LYN: variants seen among roughly 807,000 people sequenced by gnomAD.
LYN encodes the protein LYN proto-oncogene, Src family tyrosine kinase, also known as tyrosine-protein kinase Lyn.
LYN carries 12 observed loss-of-function variants against 65.0 expected under a neutral mutation model. The observed-to-expected ratio is 0.18, with a 90% CI of 0.12 to 0.30. The LOEUF (loss-of-function observed/expected upper bound fraction) is 0.30. Among genes scored for constraint, LYN ranks in the 10% least tolerant of loss-of-function variants. LYN has a pLI of 1.00. For synonymous variants in LYN, 222 were observed against 221.2 expected, an observed-to-expected ratio of 1.00 and a Z score of -0.03; for missense variants, 380 against 623.2, an observed-to-expected ratio of 0.61 and a Z score of 4.16.
intron 1 of LYN, among the ~76,000 whole-genome samples, chr8:55,885,962 C>T (rs1310452317): frequency 1.0e-5 from 1 of 99,130 alleles, no homozygotes; most frequent in African/African-American, 3.8e-5. Flanking sequence ...AGGGGTGGGG[C>T]GGGGTGGGAG....
chr8:55,965,208 A>G (rs1807413217), intron 8 of LYN, among the ~76,000 whole-genome samples: 1 of 152,210 alleles, frequency 6.6e-6, no homozygotes, highest in Non-Finnish European at 1.5e-5. Flanking sequence ...CGGGGGAACT[A>G]TACTAAGGAG....
At chr8:55,963,619 C>T (rs764255618) in intron 8 of LYN, among the ~76,000 whole-genome samples, 23 of 152,148 alleles carry the variant, frequency 1.5e-4, no homozygotes, top group African/African-American at 3.9e-4. Context: ...TTGCTGAGCT[C>T]GGCAGTGGTT....
chr8:55,968,765 C>T (rs1807528737), intron 9 of LYN, among the ~76,000 whole-genome samples: 1 of 152,194 alleles, frequency 6.6e-6, no homozygotes, highest in Admixed American at 6.5e-5. Flanking sequence ...ATTCCAACCC[C>T]CCAAAACTGT....
At chr8:56,005,861 A>G (rs2130597534) in intron 12 of LYN, among the ~76,000 whole-genome samples, 1 of 152,298 alleles carries the variant, frequency 6.6e-6, no homozygotes, top group South Asian at 2.1e-4. Context: ...AGGCAGGTGG[A>G]TTGCTTGAGG....
chr8:55,886,397 A>G (rs333615), intron 1 of LYN, among the ~76,000 whole-genome samples: 125,532 of 151,996 alleles, frequency 0.83, 52,126 homozygotes, highest in African/African-American at 0.92. Flanking sequence ...GCACCAATGC[A>G]CCACCATGCC....
chr8:55,882,314 G>A (rs1396610431), intron 1 of LYN, among the ~76,000 whole-genome samples: 2 of 152,150 alleles, frequency 1.3e-5, no homozygotes, highest in African/African-American at 4.8e-5. Flanking sequence ...GCAGAAAAGT[G>A]GTCCAGCACT....
intron 1 of LYN, among the ~76,000 whole-genome samples, chr8:55,905,747 C>T (rs1159116137): frequency 6.6e-6 from 1 of 152,126 alleles, no homozygotes; most frequent in African/African-American, 2.4e-5. Flanking sequence ...TTGGGAGAGC[C>T]TCACTCACCA....
At chr8:55,976,187 C>T (rs192246101) in intron 10 of LYN, among the ~76,000 whole-genome samples, 1 of 151,990 alleles carries the variant, frequency 6.6e-6, no homozygotes, top group East Asian at 1.9e-4. Flanking sequence ...ATTAGCCAGG[C>T]TTGGTGGTGC....
At chr8:55,912,505 A>G (rs928319535) in intron 1 of LYN, among the ~76,000 whole-genome samples, 10 of 152,202 alleles carry the variant, frequency 6.6e-5, no homozygotes, top group African/African-American at 2.4e-4. Flanking sequence ...CAAGCGGATC[A>G]CCTGAGGTCC....
Position 55,999,437 on chromosome 8 carries a change from G to C in LYN, c.1224G>C (p.Lys408Asn). 6.2e-7 allele frequency: 1 copy of C among 1,614,056 alleles called. No homozygotes were observed. Residue 408 changes from lysine (K) to asparagine (N), a missense_variant, in exon 12 of 13, where the codon AAG (lysine) becomes AAC (asparagine). Lys to Asn is a moderately conservative substitution (Grantham distance 94). Coordinates refer to ENST00000519728, the MANE Select transcript of LYN (RefSeq NM_002350.4). ...TAREGAKFPI[K>N]WTAPEAINFG... ...CCTTAGGTGCTAAGTTCCCTATTAAGTGGACGGCTCCAGAAGCAATCAACT... is the reference window on the plus strand; with the variant it reads ...CCTTAGGTGCTAAGTTCCCTATTAACTGGACGGCTCCAGAAGCAATCAACT...
chr8:55,896,063 T>C (rs988009929), intron 1 of LYN, among the ~76,000 whole-genome samples: 4 of 152,042 alleles, frequency 2.6e-5, no homozygotes, highest in Non-Finnish European at 5.9e-5. Flanking sequence ...TCTTTTATCA[T>C]TAGCTCATCC....
chr8:55,945,611 C>G (rs1248583255), intron 2 of LYN, among the ~76,000 whole-genome samples: 1 of 152,210 alleles, frequency 6.6e-6, no homozygotes, highest in Non-Finnish European at 1.5e-5. Context: ...CTGACAGCAT[C>G]TATCTTACAA....
At chr8:55,938,869 C>A (rs1340338009) in intron 1 of LYN, among the ~76,000 whole-genome samples, 1 of 152,188 alleles carries the variant, frequency 6.6e-6, no homozygotes, top group Non-Finnish European at 1.5e-5. Flanking sequence ...CTTAGCCTCA[C>A]CCCTCCCAGC....
intron 1 of LYN, among the ~76,000 whole-genome samples, chr8:55,909,873 T>C (rs1805546847): frequency 6.6e-6 from 1 of 152,182 alleles, no homozygotes; most frequent in African/African-American, 2.4e-5. Flanking sequence ...TAATGATTAG[T>C]GATGTTGAGG....
At chr8:55,928,822 G>T (rs560161011) in intron 1 of LYN, among the ~76,000 whole-genome samples, 12 of 151,884 alleles carry the variant, frequency 7.9e-5, no homozygotes, top group African/African-American at 2.7e-4. Context: ...GGATCATTTT[G>T]ATGTTGTATG....
Position 55,996,752 on chromosome 8 carries a change from T to C in LYN, c.1051-1594T>C, listed in dbSNP as rs914215605. Among the ~76,000 whole-genome samples, 47 of 152,208 alleles carry C rather than the reference T, an allele frequency of 3.1e-4. 1 individual carries two copies. The highest frequency in any genetic ancestry group is 1.1e-3 in the African/African-American group (45 of 41,440). ...CTTTGGAACGATACTACACTTTCTA[T>C]TCAGCAACGAGTAGTAGTTTTGCCT... On this transcript the variant is annotated intron_variant, in intron 10 of 12. Coordinates refer to ENST00000519728, the MANE Select transcript of LYN (RefSeq NM_002350.4).
chr8:55,910,385 A>G (rs1468627321), intron 1 of LYN, among the ~76,000 whole-genome samples: 1 of 152,154 alleles, frequency 6.6e-6, no homozygotes, highest in Non-Finnish European at 1.5e-5. Context: ...TTTTTGTAGC[A>G]CCATTTATTG....
intron 7 of LYN, among the ~76,000 whole-genome samples, chr8:55,953,431 G>A (rs1424264791): frequency 6.6e-6 from 1 of 152,154 alleles, no homozygotes; most frequent in Non-Finnish European, 1.5e-5. Flanking sequence ...TGGATCACTT[G>A]AGGTCAGGAG....
At chr8:55,910,989 C>T (rs1258162715) in intron 1 of LYN, among the ~76,000 whole-genome samples, 12 of 145,270 alleles carry the variant, frequency 8.3e-5, no homozygotes, top group African/African-American at 2.8e-4. Flanking sequence ...CTCCGCTTCC[C>T]GGGTTCAAGC....
Sources: gnomAD v4.1 joint callset for allele counts (sites outside exome capture counted in the v4.1 genomes callset) on GRCh38, gnomAD v4.1.1 for gene constraint, MANE v1.5 for transcripts, NCBI Gene and HGNC (gene_info 2026-07-23, HGNC 2026-07-21) for gene names.